The following SAV1 variants were observed in gnomAD, a reference collection of about 807,000 sequenced individuals.
The protein encoded by SAV1 is protein salvador homolog 1.
In SAV1, 23 loss-of-function variants were observed where a neutral mutation model predicts 47.3. The observed-to-expected ratio is 0.49, with a 90% confidence interval of 0.35 to 0.69. The LOEUF (loss-of-function observed/expected upper bound fraction) is 0.69, where lower values mean the gene tolerates loss of function less well. Among genes scored for constraint, SAV1 ranks in the 30% least tolerant of loss-of-function variants. The pLI is 0.01. For missense variants in SAV1, 448 were observed against 457.4 expected (o/e 0.98, Z 0.19); for synonymous variants, 155 against 159.2 (o/e 0.97, Z 0.20).
chr14:50,647,598 G>A (rs537764729), intron 2 of SAV1, among the ~76,000 whole-genome samples: 2 of 151,724 alleles, frequency 1.3e-5, no homozygotes, highest in South Asian at 2.1e-4. Context: ...AAAACAAAAC[G>A]ACCCAGTTAA....
chr14:50,656,777 A>AT (rs1566745963), intron 2 of SAV1, among the ~76,000 whole-genome samples: 1 of 152,106 alleles, frequency 6.6e-6, no homozygotes, highest in Non-Finnish European at 1.5e-5. Flanking sequence ...TGTGTGATAT[A>AT]TTTTTTCAAA....
At chr14:50,651,036 G>GA in intron 2 of SAV1, among the ~76,000 whole-genome samples, 1 of 131,174 alleles carries the variant, frequency 7.6e-6, no homozygotes, top group South Asian at 2.7e-4. Context: ...AAAAAAAAAA[G>GA]AAAGAAAGAA....
At chr14:50,650,357 C>A (rs910525306) in intron 2 of SAV1, among the ~76,000 whole-genome samples, 26 of 152,240 alleles carry the variant, frequency 1.7e-4, no homozygotes, top group African/African-American at 6.0e-4. Flanking sequence ...AAGATGATTT[C>A]TATTTATTGC....
intron 4 of SAV1, among the ~76,000 whole-genome samples, chr14:50,636,817 C>T (rs1338974415): frequency 6.6e-6 from 1 of 152,146 alleles, no homozygotes; most frequent in Non-Finnish European, 1.5e-5. Flanking sequence ...AGACAAAGAA[C>T]TTGAATTAGG....
rs552218673 is a variant in SAV1 at position 50,644,102 on chromosome 14, C to T, written c.806+642G>A. Among the ~76,000 whole-genome samples the T allele has an allele frequency of 5.9e-5, 9 of 152,296 alleles. No homozygotes were observed. The Middle Eastern group carries it at 0.01, about 173-fold the overall frequency. ...ATCCAGTGTGTATTTACACTTACAG[C>T]ACATCTCAATTTATATTAATCACAT... is the stretch of plus-strand genomic sequence containing the variant. On this transcript the variant is annotated intron_variant, in intron 3 of 4. Transcript: ENST00000324679.
At chr14:50,656,714 T>G (rs1324431966) in intron 2 of SAV1, among the ~76,000 whole-genome samples, 1 of 152,076 alleles carries the variant, frequency 6.6e-6, no homozygotes, top group Non-Finnish European at 1.5e-5. Flanking sequence ...AGTGCTGGGA[T>G]TACAGGCGTG....
At position 50,635,377 on chromosome 14, in the gene SAV1, G is replaced by A; in HGVS notation, c.958C>T (p.His320Tyr). Residue 320 changes from histidine (H) to tyrosine (Y), a missense_variant, in exon 5 of 5, where the codon CAC becomes TAC. By Grantham distance (83) the His-to-Tyr change is moderately conservative. Transcript: ENST00000324679. ...VYARAPVKYD[H>Y]ILKWELFQLA... ...TGGAAGAGTTCCCACTTCAGAATGT[G>A]GTCATATCTGTTTTAAAACACAATC... 1.2e-6 allele frequency: 2 copies of A among 1,613,390 alleles called. No homozygotes were observed. The highest frequency in any genetic ancestry group is 8.5e-7 in the Non-Finnish European group (1 of 1,179,452).
At chr14:50,667,438 A>T in intron 1 of SAV1, 1 of 456,554 alleles carries the variant, frequency 2.2e-6, no homozygotes, top group Non-Finnish European at 4.4e-6. Flanking sequence ...GAGTTCGCAC[A>T]ACTTGCAGCA....
At chr14:50,644,106 T>C (rs2039701587) in intron 3 of SAV1, among the ~76,000 whole-genome samples, 1 of 152,202 alleles carries the variant, frequency 6.6e-6, no homozygotes, top group Non-Finnish European at 1.5e-5. Context: ...TTACAGCACA[T>C]CTCAATTTAT....
intron 2 of SAV1, among the ~76,000 whole-genome samples, chr14:50,653,545 C>T (rs573530705): frequency 1.3e-5 from 2 of 152,144 alleles, no homozygotes; most frequent in African/African-American, 2.4e-5. Flanking sequence ...AAGCGAGTTA[C>T]GTGAATTTGT....
intron 3 of SAV1, among the ~76,000 whole-genome samples, chr14:50,644,396 G>A (rs1442112715): frequency 6.6e-6 from 1 of 152,082 alleles, no homozygotes; most frequent in East Asian, 1.9e-4. Flanking sequence ...TGACTTAGGG[G>A]GTAGGTCTGT....
rs781709058 is a variant in SAV1 at position 50,640,861 on chromosome 14, G to C, written c.839C>G (p.Thr280Arg). ...VPRYDQPPPV[T>R]YQPQQTERNQ... Reference sequence around the variant, plus strand: ...TCTTTCAGTTTGCTGTGGCTGGTATGTGACAGGAGGTGGTTGATCATACCG... The same window carrying C: ...TCTTTCAGTTTGCTGTGGCTGGTATCTGACAGGAGGTGGTTGATCATACCG... The change falls in exon 4 of 5, where the codon ACA (threonine) becomes AGA (arginine). Residue 280 changes from threonine (T) to arginine (R), a missense_variant. Coordinates refer to ENST00000324679, the MANE Select transcript of SAV1 (RefSeq NM_021818.4). The C allele has an allele frequency of 5.0e-6, 8 of 1,613,440 alleles. No individual in the cohort carries two copies. The South Asian group carries it at 7.7e-5, about 16-fold the overall frequency.
At chr14:50,663,233 A>T (rs1219735959) in intron 2 of SAV1, 1 of 152,264 alleles carries the variant, frequency 6.6e-6, no homozygotes, top group Non-Finnish European at 1.5e-5. Flanking sequence ...ATGGAAAAAG[A>T]TGAAGAAAAT....
intron 2 of SAV1, among the ~76,000 whole-genome samples, chr14:50,653,712 T>C (rs949044894): frequency 6.6e-6 from 1 of 151,782 alleles, no homozygotes; most frequent in African/African-American, 2.4e-5. Flanking sequence ...CTACTAAAAA[T>C]ACAAAAATTA....
chr14:50,668,276 C>A lies in SAV1; in HGVS notation c.-309G>T. On this transcript the variant is annotated 5_prime_UTR_variant, in exon 1 of 5. Coordinates refer to ENST00000324679, the MANE Select transcript of SAV1 (RefSeq NM_021818.4). The stretch of plus-strand genomic sequence containing the variant: ...CCGGGCCAGGGCCAGGGCCATGGTC[C>A]GCCGCGGGCCGCCGAATAACCGCTA... 5.6e-6 allele frequency: 1 copy of A among 178,062 alleles called. No individual in the cohort carries two copies. The highest frequency in any genetic ancestry group is 1.9e-4 in the South Asian group (1 of 5,188). The allele number at this position is 178,062 out of a possible 1,614,324, so 11.0% of individuals were successfully genotyped here.
At chr14:50,667,802 G>T in intron 1 of SAV1, 72 bp downstream of exon 1, 1 of 1,234,044 alleles carries the variant, frequency 8.1e-7, no homozygotes, top group Non-Finnish European at 1.2e-6. Context: ...AGACCCGCCG[G>T]CGCCCCCGCC....
At chr14:50,651,911 C>A (rs1023105913) in intron 2 of SAV1, among the ~76,000 whole-genome samples, 1 of 152,214 alleles carries the variant, frequency 6.6e-6, no homozygotes, top group Non-Finnish European at 1.5e-5. Flanking sequence ...GGATTACAGG[C>A]ATGCGCCCCT....
At chr14:50,658,511 TTC>T (rs1310351286) in intron 2 of SAV1, among the ~76,000 whole-genome samples, 3 of 152,170 alleles carry the variant, frequency 2.0e-5, no homozygotes, top group Non-Finnish European at 4.4e-5. Flanking sequence ...CTCTAAAACT[TTC>T]TGAGATTATA....
chr14:50,667,227 G>C (rs966535816), intron 1 of SAV1, among the ~76,000 whole-genome samples: 1 of 92,438 alleles, frequency 1.1e-5, no homozygotes, highest in Non-Finnish European at 2.3e-5. Flanking sequence ...ACTTTTCGAG[G>C]GGGGGGTTCT....
Sources: allele counts gnomAD v4.1 joint callset (sites outside exome capture counted in the v4.1 genomes callset), GRCh38; gene constraint gnomAD v4.1.1; transcripts MANE v1.5; gene names NCBI Gene and HGNC (gene_info 2026-07-23, HGNC 2026-07-21).